The following MARCHF1 variants were observed in gnomAD, a reference collection of about 807,000 sequenced individuals.
MARCHF1 encodes membrane associated ring-CH-type finger 1.
MARCHF1 carries 40 observed loss-of-function variants against 54.2 expected under a neutral mutation model. The ratio of observed to expected loss-of-function variants is 0.74; its 90% CI spans 0.57 to 0.96. The LOEUF (loss-of-function observed/expected upper bound fraction) is 0.96. MARCHF1 is among the 40% of genes least tolerant of loss of function. The pLI is 0.00. For synonymous variants in MARCHF1, 236 were observed against 236.3 expected, an observed-to-expected ratio of 1.00 and a Z score of 0.01; for missense variants, 586 against 656.5, an observed-to-expected ratio of 0.89 and a Z score of 1.17.
intron 1 of MARCHF1, among the ~76,000 whole-genome samples, chr4:164,272,087 T>C (rs1314091609): frequency 1.3e-5 from 2 of 152,062 alleles, no homozygotes; most frequent in African/African-American, 4.8e-5. Flanking sequence ...AGATGCTTTT[T>C]ACATCCATGA....
chr4:163,696,685 A>T (rs566330864), intron 5 of MARCHF1, among the ~76,000 whole-genome samples: 1 of 152,114 alleles, frequency 6.6e-6, no homozygotes, highest in Non-Finnish European at 1.5e-5. Flanking sequence ...CTTATGATCT[A>T]TGTTTTCTAG....
intron 4 of MARCHF1, among the ~76,000 whole-genome samples, chr4:163,731,308 A>C (rs1745821928): frequency 6.6e-6 from 1 of 152,218 alleles, no homozygotes; most frequent in Admixed American, 6.5e-5. Context: ...TTTGACAACA[A>C]TACAGCAACA....
At chr4:163,767,570 A>G (rs942377180) in intron 4 of MARCHF1, among the ~76,000 whole-genome samples, 2 of 151,870 alleles carry the variant, frequency 1.3e-5, no homozygotes, top group Non-Finnish European at 2.9e-5. Flanking sequence ...TCCTGACCTC[A>G]TGATCCGCCC....
At chr4:163,675,847 C>T (rs1743893729) in intron 5 of MARCHF1, among the ~76,000 whole-genome samples, 1 of 152,032 alleles carries the variant, frequency 6.6e-6, no homozygotes, top group South Asian at 2.1e-4. Context: ...TGTTTAGTGC[C>T]TTTGTAAGGA....
intron 1 of MARCHF1, among the ~76,000 whole-genome samples, chr4:164,365,965 ATC>A (rs57751065): frequency 0.081 from 12,259 of 151,912 alleles, 1,070 homozygotes; most frequent in East Asian, 0.29. Context: ...AGTTTTGATC[ATC>A]TCTCTCCCCT....
chr4:164,188,364 C>A (rs964216079), intron 1 of MARCHF1: 4 of 471,618 alleles, frequency 8.5e-6, no homozygotes, highest in African/African-American at 1.9e-5. Context: ...CCTGCCTCTG[C>A]TGCCCGACTG....
chr4:164,264,970 TG>T (rs1733569920), intron 1 of MARCHF1, among the ~76,000 whole-genome samples: 1 of 151,970 alleles, frequency 6.6e-6, no homozygotes. Flanking sequence ...GTATTACCAT[TG>T]TTGTGCGTTA....
At chr4:163,938,511 C>T (rs761324545) in intron 3 of MARCHF1, among the ~76,000 whole-genome samples, 4 of 152,120 alleles carry the variant, frequency 2.6e-5, no homozygotes, top group African/African-American at 4.8e-5. Context: ...GAGCTAATTA[C>T]GTAGCCTCTA....
rs150111922 is a variant in MARCHF1 at position 163,682,522 on chromosome 4, G to C, written c.162+18291C>G. ...GGGACCCCCTGCTCTGTGCAGCCTC[G>C]AGACGTGGTGCCCTGCATTCCAGCT... On this transcript the variant is annotated intron_variant, in intron 5 of 9. Coordinates refer to ENST00000514618, the MANE Select transcript of MARCHF1 (RefSeq NM_001394959.1). 2.6e-3 allele frequency among the ~76,000 whole-genome samples: 397 copies of C among 152,292 alleles called. 5 individuals carry two copies. The highest frequency in any genetic ancestry group is 8.8e-3 in the African/African-American group (364 of 41,572).
intron 7 of MARCHF1, among the ~76,000 whole-genome samples, chr4:163,601,881 A>G (rs933673286): frequency 6.6e-6 from 1 of 152,056 alleles, no homozygotes; most frequent in Non-Finnish European, 1.5e-5. Flanking sequence ...TAAATTAGAA[A>G]GTAATTTATC....
rs1417696483 is a variant in MARCHF1, at chr4:163,586,186, A to C, written c.1011-257T>G. Among the ~76,000 whole-genome samples the C allele has an allele frequency of 2.6e-5, 4 of 152,206 alleles. 1 individual carries two copies. The highest frequency in any genetic ancestry group is 5.9e-5 in the Non-Finnish European group (4 of 68,032). ...AGCACCAACATAATGCTGTGAGTAGAAAATTCCATTTAGTCAAAACATAGG... is the reference window on the plus strand; with the variant it reads ...AGCACCAACATAATGCTGTGAGTAGCAAATTCCATTTAGTCAAAACATAGG... On this transcript the variant is annotated intron_variant, in intron 7 of 9. Transcript: ENST00000514618.
chr4:164,198,387 T>C (rs769447825), intron 1 of MARCHF1, among the ~76,000 whole-genome samples: 10 of 152,296 alleles, frequency 6.6e-5, no homozygotes, highest in Non-Finnish European at 8.8e-5. Context: ...GTGGCATGTA[T>C]GTTTATTTAG....
intron 3 of MARCHF1, among the ~76,000 whole-genome samples, chr4:163,898,817 A>C (rs1750874596): frequency 6.6e-6 from 1 of 152,200 alleles, no homozygotes; most frequent in Admixed American, 6.5e-5. Context: ...TGGATAAAGA[A>C]AATGCGGTAT....
In MARCHF1 at chr4:163,669,196, C is replaced by T. The variant is rs565049421; in HGVS notation, c.162+31617G>A. Among the ~76,000 whole-genome samples the T allele has an allele frequency of 2.6e-5, 4 of 152,234 alleles. No homozygotes were observed. The East Asian group carries it at 5.8e-4, about 22-fold the overall frequency. ...TTTTTCTGAGTGAACGCTGACTTGG[C>T]TCTGGTTTTATTGTCTTGTCTCATT... On this transcript the variant is annotated intron_variant, in intron 5 of 9. Transcript: ENST00000514618.
At chr4:164,234,944 TAC>T (rs1732506338) in intron 1 of MARCHF1, 1 of 152,102 alleles carries the variant, frequency 6.6e-6, no homozygotes, top group South Asian at 2.1e-4. Flanking sequence ...AGTGATTTCA[TAC>T]CCAAATAAGT....
intron 3 of MARCHF1, among the ~76,000 whole-genome samples, chr4:163,933,901 A>G (rs1470020527): frequency 6.6e-6 from 1 of 152,172 alleles, no homozygotes; most frequent in African/African-American, 2.4e-5. Flanking sequence ...TCCCTTCCCA[A>G]TAAAAATTCA....
intron 2 of MARCHF1, among the ~76,000 whole-genome samples, chr4:164,058,034 ACAC>A (rs1363538535): frequency 6.6e-6 from 1 of 152,140 alleles, no homozygotes; most frequent in Non-Finnish European, 1.5e-5. Flanking sequence ...AGAAAACTGA[ACAC>A]CACATGTTCT....
At chr4:164,264,919 GA>G (rs769358099) in intron 1 of MARCHF1, among the ~76,000 whole-genome samples, 107 of 115,264 alleles carry the variant, frequency 9.3e-4, no homozygotes, top group Admixed American at 1.7e-3. Context: ...AGACTCTGTC[GA>G]AAAAAAAAAA....
chr4:163,892,669 T>C (rs983200636), intron 3 of MARCHF1, among the ~76,000 whole-genome samples: 3 of 151,702 alleles, frequency 2.0e-5, no homozygotes, highest in African/African-American at 7.3e-5. Context: ...GGTTTTATTT[T>C]TAAAGAGTTA....
Sources: gnomAD v4.1 joint callset for allele counts (sites outside exome capture counted in the v4.1 genomes callset) on GRCh38, gnomAD v4.1.1 for gene constraint, MANE v1.5 for transcripts, NCBI Gene and HGNC (gene_info 2026-07-23, HGNC 2026-07-21) for gene names.